Variants in VPS13B observed in about 807,000 individuals in gnomAD.
VPS13B encodes intermembrane lipid transfer protein VPS13B.
In VPS13B, 285 loss-of-function variants were observed where a neutral mutation model predicts 426.4. The observed-to-expected ratio is 0.67, with a 90% confidence interval of 0.61 to 0.74. The LOEUF (loss-of-function observed/expected upper bound fraction) is 0.74, where lower values mean the gene tolerates loss of function less well. VPS13B is among the 30% of genes least tolerant of loss of function. The pLI is 0.00. For synonymous variants in VPS13B, 1,676 were observed against 1,676.4 expected (o/e 1.00, Z 0.01); for missense variants, 4,537 against 4,782.6 (o/e 0.95, Z 1.51).
At chr8:99,025,537 T>C (rs1001613834) in intron 2 of VPS13B, among the ~76,000 whole-genome samples, 3 of 152,204 alleles carry the variant, frequency 2.0e-5, no homozygotes, top group Non-Finnish European at 4.4e-5. Flanking sequence ...TTCTGTTGTT[T>C]CCTTGTTTGG....
In VPS13B at chr8:99,114,145, C is replaced by CT. The variant is rs35036952; in HGVS notation, c.763-1541dup. On this transcript the variant is annotated intron_variant, in intron 6 of 61. Coordinates refer to ENST00000357162, the MANE Select transcript of VPS13B (RefSeq NM_152564.5). ...GAAAGATTTGTATAATTGCAAATAT[C>CT]TTTTTTTTTTTTTTAAGACCTGTGA... Among the ~76,000 whole-genome samples the CT allele has an allele frequency of 3.6e-3, 531 of 146,262 alleles. 2 individuals carry two copies. The highest frequency in any genetic ancestry group is 6.0e-3 in the East Asian group (30 of 4,984).
At chr8:99,671,645 GGTTT>G (rs1482949066) in intron 35 of VPS13B, among the ~76,000 whole-genome samples, 3 of 152,016 alleles carry the variant, frequency 2.0e-5, no homozygotes, top group South Asian at 2.1e-4. Context: ...GAAGCTTTTG[GGTTT>G]GTTTGTTTGT....
chr8:99,874,435 C>G (rs1281812574), intron 61 of VPS13B, among the ~76,000 whole-genome samples: 1 of 152,182 alleles, frequency 6.6e-6, no homozygotes, highest in African/African-American at 2.4e-5. Flanking sequence ...TCTCTGCCAT[C>G]GCACGGACTT....
chr8:99,289,066 A>AATGAATGAAG (rs1350775653), intron 19 of VPS13B, among the ~76,000 whole-genome samples: 2 of 45,586 alleles, frequency 4.4e-5, no homozygotes, highest in South Asian at 8.1e-4. Context: ...AATGAATGAA[A>AATGAATGAAG]GAAGGAAGGA....
At chr8:99,756,572 A>G (rs1810652628) in intron 39 of VPS13B, among the ~76,000 whole-genome samples, 1 of 152,240 alleles carries the variant, frequency 6.6e-6, no homozygotes, top group African/African-American at 2.4e-5. Flanking sequence ...GACAAAGAAT[A>G]TTGAAAGCAA....
At chr8:99,178,685 G>C (rs561294268) in intron 16 of VPS13B, among the ~76,000 whole-genome samples, 1 of 151,848 alleles carries the variant, frequency 6.6e-6, no homozygotes, top group Non-Finnish European at 1.5e-5. Flanking sequence ...GTAGTGGCAC[G>C]ATCTCGACTC....
chr8:99,249,528 G>C (rs527659211), intron 17 of VPS13B, among the ~76,000 whole-genome samples: 3 of 150,108 alleles, frequency 2.0e-5, no homozygotes, highest in African/African-American at 7.4e-5. Flanking sequence ...GGTTCACGCC[G>C]TTCTCCTGCC....
At chr8:99,381,734 C>G (rs1813823140) in intron 19 of VPS13B, among the ~76,000 whole-genome samples, 1 of 151,654 alleles carries the variant, frequency 6.6e-6, no homozygotes, top group Admixed American at 6.6e-5. Context: ...ATGTCCTTTG[C>G]CCACTTTTCA....
At chr8:99,230,673 C>T (rs944916151) in intron 17 of VPS13B, among the ~76,000 whole-genome samples, 4 of 152,096 alleles carry the variant, frequency 2.6e-5, no homozygotes, top group South Asian at 2.1e-4. Flanking sequence ...CGGGGAACAC[C>T]GGTAGAACTT....
intron 39 of VPS13B, among the ~76,000 whole-genome samples, chr8:99,753,828 G>C (rs1810509907): frequency 6.6e-6 from 1 of 152,172 alleles, no homozygotes; most frequent in Non-Finnish European, 1.5e-5. Flanking sequence ...TTTGTACTTA[G>C]AGGGTTTTCC....
At chr8:99,550,095 C>T (rs1824198203) in intron 30 of VPS13B, among the ~76,000 whole-genome samples, 1 of 152,012 alleles carries the variant, frequency 6.6e-6, no homozygotes, top group Non-Finnish European at 1.5e-5. Flanking sequence ...TAGGGCCTAT[C>T]ACAATACCTG....
chr8:99,801,175 T>G (rs2130760778), intron 43 of VPS13B, among the ~76,000 whole-genome samples: 1 of 152,234 alleles, frequency 6.6e-6, no homozygotes, highest in African/African-American at 2.4e-5. Context: ...CTCTTCACCC[T>G]TCCTTCCTAT....
At chr8:99,431,451 A>G (rs3103703) in intron 21 of VPS13B, 86 bp from the exon 22 acceptor site, 9 of 1,504,910 alleles carry the variant, frequency 6.0e-6, no homozygotes, top group Non-Finnish European at 8.2e-6. Context: ...AAGCAAGGAA[A>G]GAAACAATCT....
intron 30 of VPS13B, among the ~76,000 whole-genome samples, chr8:99,533,800 T>A (rs1260444333): frequency 6.6e-6 from 1 of 152,214 alleles, no homozygotes; most frequent in Non-Finnish European, 1.5e-5. Context: ...CCTTTATGTA[T>A]CTTTATGGTT....
At position 99,396,918 on chromosome 8, in the gene VPS13B, G is replaced by GA. The variant is rs199866601; in HGVS notation, c.3082+5224dup. 4.1e-3 allele frequency among the ~76,000 whole-genome samples: 605 copies of GA among 146,264 alleles called. 1 individual carries two copies. Among genetic ancestry groups the GA allele is most frequent in the Non-Finnish European group, 5.8e-3 (385 of 66,192 alleles). ...AGAATACTAAGGCTTCTACCAAAAT[G>GA]AAAAAAAAAATGATCCTTCAGATGT... is the stretch of plus-strand genomic sequence containing the variant. On this transcript the variant is annotated intron_variant, in intron 21 of 61. Transcript: ENST00000357162.
chr8:99,790,632 C>G (rs1812493929), intron 43 of VPS13B, among the ~76,000 whole-genome samples: 1 of 152,116 alleles, frequency 6.6e-6, no homozygotes, highest in Non-Finnish European at 1.5e-5. Context: ...TCAATTGCAT[C>G]TGGATATGAA....
chr8:99,755,431 C>A (rs1164890140), intron 39 of VPS13B, among the ~76,000 whole-genome samples: 1 of 152,140 alleles, frequency 6.6e-6, no homozygotes, highest in African/African-American at 2.4e-5. Context: ...AAAATTAGCT[C>A]ATAAATATTA....
At chr8:99,607,919 A>T (rs1256258759) in intron 33 of VPS13B, among the ~76,000 whole-genome samples, 1 of 152,096 alleles carries the variant, frequency 6.6e-6, no homozygotes, top group Non-Finnish European at 1.5e-5. Context: ...GCATTTTCTC[A>T]AATTTGTGTG....
At chr8:99,250,559 G>A (rs1358549836) in intron 17 of VPS13B, among the ~76,000 whole-genome samples, 6 of 75,304 alleles carry the variant, frequency 8.0e-5, no homozygotes, top group African/African-American at 2.1e-4. Flanking sequence ...GAAAAAGACT[G>A]TCTTTCTTTC....
Sources: allele counts gnomAD v4.1 joint callset (sites outside exome capture counted in the v4.1 genomes callset), GRCh38; gene constraint gnomAD v4.1.1; transcripts MANE v1.5; gene names NCBI Gene and HGNC (gene_info 2026-07-23, HGNC 2026-07-21).